Variants in RHPN1 observed in about 807,000 individuals in gnomAD.
RHPN1 encodes the protein rhophilin-1.
In RHPN1, 77 loss-of-function variants were observed where a neutral mutation model predicts 74.7. The observed-to-expected ratio is 1.03, with a 90% CI of 0.86 to 1.25. The LOEUF (loss-of-function observed/expected upper bound fraction) is 1.25. Among genes scored for constraint, RHPN1 ranks in the 50% most tolerant of loss-of-function variants. The pLI, the probability that RHPN1 is intolerant of heterozygous loss-of-function variation, is 0.00. For missense variants in RHPN1, 987 were observed against 932.2 expected (o/e 1.06, Z -0.77); for synonymous variants, 444 against 414.5 (o/e 1.07, Z -0.87).
chr8:143,373,897 C>G (rs1458705026), intron 1 of RHPN1, among the ~76,000 whole-genome samples: 1 of 152,100 alleles, frequency 6.6e-6, no homozygotes, highest in Admixed American at 6.5e-5. Flanking sequence ...TGCAAAGACC[C>G]TATTTCTAGA....
chr8:143,380,125 A>G lies in RHPN1; in HGVS notation c.1166A>G (p.Lys389Arg). The change falls in exon 10 of 15, where the codon AAG becomes AGG. Residue 389 changes from lysine to arginine, a missense_variant. Lys to Arg is a conservative substitution (Grantham distance 26). Coordinates refer to ENST00000289013, the MANE Select transcript of RHPN1 (RefSeq NM_052924.3). ...TTCCTGCAGCCCCCCACCTCCTCTAAGCCCCGAGGCCCTGTGCTGCCGCAG... is the reference window on the plus strand; with the variant it reads ...TTCCTGCAGCCCCCCACCTCCTCTAGGCCCCGAGGCCCTGTGCTGCCGCAG... ...QVFLQPPTSS[K>R]PRGPVLPQEL... is the part of the protein sequence containing the mutation. 6.4e-7 allele frequency: 1 copy of G among 1,551,156 alleles called. No individual in the cohort carries two copies. Among genetic ancestry groups the G allele is most frequent in the African/African-American group, 1.4e-5 (1 of 73,250 alleles).
rs747003185 is a variant in RHPN1, at chr8:143,380,666, G to A, written c.1294G>A (p.Glu432Lys). The A allele has an allele frequency of 4.8e-5, 75 of 1,574,666 alleles. No individual in the cohort carries two copies. Among genetic ancestry groups the A allele is most frequent in the African/African-American group, 1.8e-4 (13 of 74,058 alleles). The change falls in exon 11 of 15, where the codon GAG becomes AAG. Residue 432 changes from glutamate to lysine, a missense_variant. Coordinates refer to ENST00000289013, the MANE Select transcript of RHPN1 (RefSeq NM_052924.3). ...GCACGCCCTGTGCCGCGTCCTGCGC[G>A]AGGTGGACCTGCTTCGGGCTGTGAT... Reference protein sequence around the residue: ...RLHALCRVLREVDLLRAVISQ... With the variant: ...RLHALCRVLRKVDLLRAVISQ...
Position 143,380,188 on chromosome 8 carries a change from T to C in RHPN1, c.1216+13T>C, listed in dbSNP as rs765731528. On this transcript the variant is annotated intron_variant, in intron 10 of 14. Transcript: ENST00000289013. ...CGCAGGCAGCTTGGTAAGGCGCCCATGGGTGGAGTGCCCTGGGGCTCAGAT... is the reference window on the plus strand; with the variant it reads ...CGCAGGCAGCTTGGTAAGGCGCCCACGGGTGGAGTGCCCTGGGGCTCAGAT... 16 of 1,510,062 alleles carry C rather than the reference T, an allele frequency of 1.1e-5. No individual in the cohort carries two copies. In the South Asian group the frequency reaches 2.0e-4, roughly 19 times the overall value. 93.5% of individuals were successfully genotyped at this position (1,510,062 alleles called of 1,614,324 possible).
At chr8:143,364,298 T>C (rs1238381478), upstream of RHPN1, among the ~76,000 whole-genome samples, 2 of 152,168 alleles carry the variant, frequency 1.3e-5, no homozygotes, top group Non-Finnish European at 2.9e-5. The surrounding 1 kb of genome is among the most constrained non-coding windows in gnomAD (Gnocchi z 4.5). Context: ...AAAAGTGCAG[T>C]TCTCCAGAAG....
intron 1 of RHPN1, among the ~76,000 whole-genome samples, chr8:143,371,063 T>C (rs1241446528): frequency 4.6e-5 from 7 of 152,094 alleles, no homozygotes; most frequent in Non-Finnish European, 1.5e-5. Context: ...CCCAGGTAGA[T>C]TGGGCTCCAG....
At chr8:143,374,863 C>T (rs887418657) in intron 1 of RHPN1, among the ~76,000 whole-genome samples, 2 of 152,224 alleles carry the variant, frequency 1.3e-5, no homozygotes, top group South Asian at 4.1e-4. Context: ...CCGCTGGGCA[C>T]GCCCCACTCT....
chr8:143,378,483 C>G lies in RHPN1; in HGVS notation c.459+137C>G, dbSNP rs1358795656. 3 of 986,528 alleles carry G rather than the reference C, an allele frequency of 3.0e-6. No individual in the cohort carries two copies. The African/African-American group carries it at 4.8e-5, about 16-fold the overall frequency. The allele number at this position is 986,528 out of a possible 1,614,324, so 61.1% of individuals were successfully genotyped here. On this transcript the variant is annotated intron_variant, in intron 5 of 14. Transcript: ENST00000289013. ...GTGGGGAGACGGGCGCACCAGGGGC[C>G]CTGTGTGTCCAGACCCAGCCAGGGG...
chr8:143,365,890 G>C (rs1362976943), upstream of RHPN1, among the ~76,000 whole-genome samples: 1 of 151,982 alleles, frequency 6.6e-6, no homozygotes, highest in African/African-American at 2.4e-5. Context: ...CCTGCTACTT[G>C]GGAGACCGAG....
In RHPN1 at chr8:143,379,417, A is replaced by G. The variant is rs1440246153; in HGVS notation, c.854A>G (p.Gln285Arg). The G allele has an allele frequency of 1.9e-6, 3 of 1,585,814 alleles. No individual in the cohort carries two copies. The highest frequency in any genetic ancestry group is 2.7e-5 in the African/African-American group (2 of 74,182). ...ALEQLMMAQA[Q>R]ECVFEGLSPP... ...GAGCAGCTCATGATGGCCCAGGCCC[A>G]GGAATGTGTGTTTGAGGGCCTCTCA... The change falls in exon 8 of 15, where the codon CAG (glutamine) becomes CGG (arginine). Residue 285 changes from glutamine (Q) to arginine (R), a missense_variant. Coordinates refer to ENST00000289013, the MANE Select transcript of RHPN1 (RefSeq NM_052924.3).
chr8:143,371,920 A>G (rs35263574), intron 1 of RHPN1, among the ~76,000 whole-genome samples: 11,327 of 152,286 alleles, frequency 0.074, 502 homozygotes, highest in Non-Finnish European at 0.099. Flanking sequence ...CAGTGTGGAA[A>G]GTGGGGCATG....
chr8:143,375,802 GCACGTAGTA>G, intron 2 of RHPN1, 134 bp downstream of exon 2: 1 of 640,278 alleles, frequency 1.6e-6, no homozygotes, highest in Middle Eastern at 3.9e-4. Flanking sequence ...GTCCTGGTGG[GCACGTAGTA>G]CACGTGATGC....
chr8:143,381,216 G>A lies in RHPN1; in HGVS notation c.1412-52G>A, dbSNP rs181704403. ...ATGCCCTGCGCCCTGGAAAATCCCC[G>A]AGGCAGGTCTCCACAGTCTCCCAGC... is the stretch of plus-strand genomic sequence containing the variant. On this transcript the variant is annotated intron_variant, in intron 11 of 14. Coordinates refer to ENST00000289013, the MANE Select transcript of RHPN1 (RefSeq NM_052924.3). 1.6e-4 allele frequency: 240 copies of A among 1,503,908 alleles called. No homozygotes were observed. In the African/African-American group the frequency reaches 2.1e-3, roughly 13 times the overall value. The allele number at this position is 1,503,908 out of a possible 1,614,324, so 93.2% of individuals were successfully genotyped here. A position where few individuals can be genotyped will look rare whatever the true frequency, so the allele number is the denominator to read the frequency against.
chr8:143,382,057 G>A (rs1473561451), intron 14 of RHPN1, 89 bp downstream of exon 14: 10 of 1,306,964 alleles, frequency 7.7e-6, no homozygotes, highest in Non-Finnish European at 8.2e-6. Flanking sequence ...AGCAACATTG[G>A]GAAGGGGAGG....
rs1817651623 is a variant in RHPN1 at position 143,368,983 on chromosome 8, C to CACCCCCA, written c.-5_-4insACCCCCA. 3 of 1,479,256 alleles carry CACCCCCA rather than the reference C, an allele frequency of 2.0e-6. No homozygotes were observed. The highest frequency in any genetic ancestry group is 4.6e-5 in the Admixed American group (2 of 43,138). 91.6% of individuals were successfully genotyped at this position (1,479,256 alleles called of 1,614,324 possible). ...CGAGGGACCCCCAGCGCAGCGGGTG[C>CACCCCCA]GGCGATGATCCTGGAGGAGAGGCCG... is the stretch of plus-strand genomic sequence containing the variant. On this transcript the variant is annotated 5_prime_UTR_variant, in exon 1 of 15. Transcript: ENST00000289013.
At chr8:143,381,216 G>C (rs181704403) in intron 11 of RHPN1, 52 bp from the exon 12 acceptor site, 12 of 1,503,790 alleles carry the variant, frequency 8.0e-6, no homozygotes. Context: ...GAAAATCCCC[G>C]AGGCAGGTCT....
At chr8:143,378,124 G>A (rs1818408547) in intron 4 of RHPN1, 145 bp from the exon 5 acceptor site, 1 of 687,036 alleles carries the variant, frequency 1.5e-6, no homozygotes, top group Non-Finnish European at 2.5e-6. Context: ...GGGGCCCAGG[G>A]CCCCCACGCT....
intron 1 of RHPN1, among the ~76,000 whole-genome samples, chr8:143,375,330 C>T (rs1357723435): frequency 6.6e-6 from 1 of 152,216 alleles, no homozygotes; most frequent in Non-Finnish European, 1.5e-5. Context: ...CTTACCCCAC[C>T]GACCACGTCC....
At chr8:143,374,358 T>G (rs1277969099) in intron 1 of RHPN1, 1 of 971,124 alleles carries the variant, frequency 1.0e-6, no homozygotes, top group Non-Finnish European at 1.2e-6. Context: ...GAAGAAGAGG[T>G]CCTGTCTCCC....
At chr8:143,382,403 G>T in intron 14 of RHPN1, 33 bp from the exon 15 acceptor site, 1 of 1,536,572 alleles carries the variant, frequency 6.5e-7, no homozygotes, top group Non-Finnish European at 8.8e-7. Context: ...GCCAGCAGTG[G>T]CTGACCACAG....
Sources: allele counts gnomAD v4.1 joint callset (sites outside exome capture counted in the v4.1 genomes callset), GRCh38; gene constraint gnomAD v4.1.1; non-coding constraint Gnocchi (gnomAD v3.1); transcripts MANE v1.5; gene names NCBI Gene and HGNC (gene_info 2026-07-23, HGNC 2026-07-21).